Variants in RGPD6 observed in about 807,000 individuals in gnomAD.
RGPD6 encodes the protein RANBP2 like and GRIP domain containing 6, also known as RANBP2-like and GRIP domain-containing protein 5/6.
the RGPD6 span, chr2:110,611,044 C>T: frequency 4.2e-6 from 4 of 963,428 alleles, no homozygotes; most frequent in Admixed American, 6.8e-5. Flanking sequence ...GCGCCGCCGC[C>T]GCCACCGCCC....
chr2:110,593,830 C>CT, the RGPD6 span, among the ~76,000 whole-genome samples: 5 of 132,002 alleles, frequency 3.8e-5, no homozygotes, highest in African/African-American at 6.4e-5. Flanking sequence ...TTTGATTATT[C>CT]TTACTTACAG....
chr2:110,591,903 C>T, the RGPD6 span, among the ~76,000 whole-genome samples: 5 of 147,728 alleles, frequency 3.4e-5, no homozygotes, highest in African/African-American at 1.3e-4. Context: ...TGGACTACAC[C>T]ACAGAAATAA....
chr2:110,594,454 AC>A, the RGPD6 span, among the ~76,000 whole-genome samples: 25 of 74,620 alleles, frequency 3.4e-4, 1 homozygote, highest in Admixed American at 8.8e-4. Flanking sequence ...ATTAAAAGCA[AC>A]CAGATTGGAA....
the RGPD6 span, among the ~76,000 whole-genome samples, chr2:110,596,941 T>C: frequency 1.8e-5 from 2 of 113,656 alleles, 1 homozygote; most frequent in African/African-American, 8.3e-5. Context: ...TTATATATAT[T>C]TTATATATAT....
At chr2:110,610,728 G>A in the RGPD6 span, among the ~76,000 whole-genome samples, 4 of 145,288 alleles carry the variant, frequency 2.8e-5, no homozygotes, top group Non-Finnish European at 6.1e-5. Context: ...AGTGACTCGA[G>A]GTCCCATTCC....
the RGPD6 span, among the ~76,000 whole-genome samples, chr2:110,603,951 T>C: frequency 2.0e-5 from 3 of 150,578 alleles, 1 homozygote; most frequent in Non-Finnish European, 4.4e-5. Context: ...AAACACTGTG[T>C]ATTTTGTTTC....
At chr2:110,589,346 G>A in the RGPD6 span, among the ~76,000 whole-genome samples, 18 of 150,362 alleles carry the variant, frequency 1.2e-4, no homozygotes, top group African/African-American at 2.0e-4. Flanking sequence ...GCAAAACTCC[G>A]TCTCAAAAAA....
chr2:110,607,897 CA>C, the RGPD6 span, among the ~76,000 whole-genome samples: 7 of 125,916 alleles, frequency 5.6e-5, no homozygotes, highest in African/African-American at 2.2e-4. Context: ...ATTTTAATAC[CA>C]TTTAGGGCTC....
At chr2:110,589,326 G>C in the RGPD6 span, among the ~76,000 whole-genome samples, 1 of 146,768 alleles carries the variant, frequency 6.8e-6, no homozygotes, top group African/African-American at 2.6e-5. Flanking sequence ...CTCCAGCCTG[G>C]GCAACAAGAG....
At chr2:110,605,127 T>G in the RGPD6 span, among the ~76,000 whole-genome samples, 3 of 151,880 alleles carry the variant, frequency 2.0e-5, no homozygotes, top group African/African-American at 7.3e-5. Flanking sequence ...CCCAGCTTTC[T>G]CCAAAACACG....
the RGPD6 span, among the ~76,000 whole-genome samples, chr2:110,607,096 T>C: frequency 3.3e-5 from 5 of 150,698 alleles, no homozygotes; most frequent in Admixed American, 6.6e-5. Context: ...GTCATTATTT[T>C]AAAGGCCCTG....
At chr2:110,610,946 G>T in the RGPD6 span, 10 of 901,300 alleles carry the variant, frequency 1.1e-5, no homozygotes, top group Non-Finnish European at 1.3e-5. Context: ...CCGACTCCGG[G>T]CCGGCCGGGC....
chr2:110,606,013 A>T, the RGPD6 span, among the ~76,000 whole-genome samples: 1 of 151,740 alleles, frequency 6.6e-6, no homozygotes, highest in Non-Finnish European at 1.5e-5. Flanking sequence ...TAAGTTCCCA[A>T]AAAACACACT....
At chr2:110,591,446 T>TAA in the RGPD6 span, among the ~76,000 whole-genome samples, 2 of 142,488 alleles carry the variant, frequency 1.4e-5, no homozygotes, top group African/African-American at 5.2e-5. Flanking sequence ...TTCTTAAAAC[T>TAA]AAAAAAAAAA....
At chr2:110,607,480 T>G in the RGPD6 span, among the ~76,000 whole-genome samples, 1 of 148,320 alleles carries the variant, frequency 6.7e-6, no homozygotes, top group Non-Finnish European at 1.5e-5. Flanking sequence ...AGGAAGAGCG[T>G]GCAAGAAGGC....
At chr2:110,603,835 A>G in the RGPD6 span, among the ~76,000 whole-genome samples, 1 of 147,272 alleles carries the variant, frequency 6.8e-6, no homozygotes, top group South Asian at 2.2e-4. Flanking sequence ...CTTCCCAGCT[A>G]AATGCCTTCA....
At chr2:110,594,142 A>C in the RGPD6 span, among the ~76,000 whole-genome samples, 1 of 147,822 alleles carries the variant, frequency 6.8e-6, no homozygotes, top group African/African-American at 2.6e-5. Context: ...AATAGATTAA[A>C]GTATATTAAA....
the RGPD6 span, among the ~76,000 whole-genome samples, chr2:110,605,665 G>A: frequency 5.3e-5 from 8 of 151,548 alleles, no homozygotes; most frequent in Admixed American, 4.6e-4. Context: ...CATGTCCCCT[G>A]GCAGTTGATT....
At chr2:110,604,487 G>C in the RGPD6 span, among the ~76,000 whole-genome samples, 1 of 142,320 alleles carries the variant, frequency 7.0e-6, no homozygotes, top group African/African-American at 2.7e-5. Flanking sequence ...CAGAAAGCAA[G>C]GTTGGGGCCA....
Sources: allele counts gnomAD v4.1 joint callset (sites outside exome capture counted in the v4.1 genomes callset), GRCh38; gene constraint gnomAD v4.1.1; transcripts MANE v1.5; gene names NCBI Gene and HGNC (gene_info 2026-07-23, HGNC 2026-07-21).